DYNC1I1: variants seen among roughly 807,000 people sequenced by gnomAD.
DYNC1I1 encodes cytoplasmic dynein 1 intermediate chain 1.
A neutral mutation model predicts 86.6 loss-of-function variants in DYNC1I1; 43 were observed. The ratio of observed to expected loss-of-function variants is 0.50; its 90% CI spans 0.39 to 0.64. The LOEUF (loss-of-function observed/expected upper bound fraction) is 0.64, where lower values mean the gene tolerates loss of function less well. DYNC1I1 is among the 30% of genes least tolerant of loss of function. The probability of loss-of-function intolerance (pLI) is 0.00; values close to 1 mark genes in which losing one functional copy is unlikely to be tolerated. For missense variants in DYNC1I1, 604 were observed against 788.8 expected (o/e 0.77, Z 2.81); for synonymous variants, 262 against 283.7 (o/e 0.92, Z 0.77).
At chr7:95,891,630 G>A (rs968541151) in intron 6 of DYNC1I1, among the ~76,000 whole-genome samples, 5 of 152,176 alleles carry the variant, frequency 3.3e-5, no homozygotes, top group Non-Finnish European at 5.9e-5. Context: ...CCTAGGGAGA[G>A]TTTTAATGTT....
chr7:95,927,486 A>G (rs1450102939), intron 6 of DYNC1I1, among the ~76,000 whole-genome samples: 1 of 152,202 alleles, frequency 6.6e-6, no homozygotes, highest in Non-Finnish European at 1.5e-5. Context: ...AGAATATTGA[A>G]TATGAATAGT....
intron 10 of DYNC1I1, among the ~76,000 whole-genome samples, chr7:96,004,646 G>GCACACACACACACA (rs34562315): frequency 2.7e-5 from 4 of 146,142 alleles, no homozygotes; most frequent in Non-Finnish European, 6.1e-5. Context: ...ATAAATGCAT[G>GCACACACACACACA]CACACACACA....
chr7:95,909,249 G>GT (rs1165882500), intron 6 of DYNC1I1, among the ~76,000 whole-genome samples: 1 of 113,572 alleles, frequency 8.8e-6, no homozygotes, highest in Admixed American at 9.2e-5. Context: ...GGGGTGGGGG[G>GT]GGGGGGCGGG....
At chr7:95,939,767 T>C (rs919987667) in intron 6 of DYNC1I1, among the ~76,000 whole-genome samples, 3 of 152,314 alleles carry the variant, frequency 2.0e-5, no homozygotes, top group African/African-American at 7.2e-5. Context: ...CCAGTCTGTT[T>C]CTTTTAATTG....
chr7:95,893,638 A>G (rs1790802876), intron 6 of DYNC1I1, among the ~76,000 whole-genome samples: 1 of 152,212 alleles, frequency 6.6e-6, no homozygotes, highest in Admixed American at 6.5e-5. Flanking sequence ...CACTCCATGA[A>G]TGTCAACTAC....
chr7:96,102,555 T>C (rs1563006511), downstream of DYNC1I1, among the ~76,000 whole-genome samples: 1 of 152,206 alleles, frequency 6.6e-6, no homozygotes, highest in Non-Finnish European at 1.5e-5. Flanking sequence ...CTTTGGTTTT[T>C]GAAGTTAACA....
intron 14 of DYNC1I1, among the ~76,000 whole-genome samples, chr7:96,063,704 C>T (rs1463073071): frequency 6.6e-6 from 1 of 152,196 alleles, no homozygotes; most frequent in Non-Finnish European, 1.5e-5. Context: ...ACCTTACCTC[C>T]ACAAACAACA....
intron 14 of DYNC1I1, among the ~76,000 whole-genome samples, chr7:96,059,081 A>T (rs980039208): frequency 8.5e-5 from 13 of 152,180 alleles, no homozygotes; most frequent in African/African-American, 2.7e-4. Context: ...CAACATTTTC[A>T]TCAGCCTATG....
At chr7:95,978,654 C>T (rs1213852225) in intron 7 of DYNC1I1, among the ~76,000 whole-genome samples, 1 of 151,806 alleles carries the variant, frequency 6.6e-6, no homozygotes, top group East Asian at 1.9e-4. Flanking sequence ...CACAGTGTGG[C>T]AGATGTTCAG....
intron 6 of DYNC1I1, among the ~76,000 whole-genome samples, chr7:95,913,873 C>G (rs1302435797): frequency 6.6e-6 from 1 of 152,200 alleles, no homozygotes; most frequent in Non-Finnish European, 1.5e-5. Flanking sequence ...GCATGGAACA[C>G]TGGGATAAAT....
intron 6 of DYNC1I1, 141 bp downstream of exon 6, chr7:95,870,139 C>T: frequency 1.4e-6 from 1 of 723,370 alleles, no homozygotes; most frequent in Non-Finnish European, 2.1e-6. Flanking sequence ...AAAGCCTCTT[C>T]TGAGTTTGAA....
At chr7:95,913,986 G>A (rs182703395) in intron 6 of DYNC1I1, among the ~76,000 whole-genome samples, 115 of 152,232 alleles carry the variant, frequency 7.6e-4, no homozygotes, top group Admixed American at 5.0e-3. Flanking sequence ...TCTGATCTTG[G>A]GCAGAATTGT....
At chr7:95,780,166 T>A (rs1231299110) in intron 1 of DYNC1I1, among the ~76,000 whole-genome samples, 1 of 152,162 alleles carries the variant, frequency 6.6e-6, no homozygotes, top group Admixed American at 6.6e-5. Flanking sequence ...AGCGAAGTAA[T>A]GAGTATATTT....
chr7:95,987,744 C>T (rs1349167109), intron 9 of DYNC1I1, among the ~76,000 whole-genome samples: 1 of 152,138 alleles, frequency 6.6e-6, no homozygotes, highest in Non-Finnish European at 1.5e-5. Context: ...TCACTTTGTA[C>T]ACCAGACAGA....
intron 6 of DYNC1I1, among the ~76,000 whole-genome samples, chr7:95,905,123 A>G (rs941091298): frequency 1.3e-5 from 2 of 152,210 alleles, no homozygotes; most frequent in Non-Finnish European, 2.9e-5. Flanking sequence ...TTCACTTACA[A>G]TGCCTCCACT....
At chr7:95,807,917 T>A (rs961651653) in intron 2 of DYNC1I1, among the ~76,000 whole-genome samples, 2 of 151,372 alleles carry the variant, frequency 1.3e-5, no homozygotes, top group African/African-American at 4.9e-5. Flanking sequence ...TTGTTGTTGT[T>A]GTTTGTTTTT....
In DYNC1I1 at chr7:95,953,174, C is replaced by G. The variant is rs115039331; in HGVS notation, c.491-24338C>G. ...ACAAGTGTCCCTTCACACACACCTT[C>G]ACACTTTAGAACATATTTTCATAAT... On this transcript the variant is annotated intron_variant, in intron 6 of 16. Transcript: ENST00000447467. Among the ~76,000 whole-genome samples the G allele has an allele frequency of 2.2e-3, 330 of 150,706 alleles. 2 individuals are homozygous for G. Among genetic ancestry groups the G allele is most frequent in the African/African-American group, 7.8e-3 (318 of 40,862 alleles).
At chr7:95,805,600 A>G (rs527907023) in intron 2 of DYNC1I1, among the ~76,000 whole-genome samples, 1 of 152,306 alleles carries the variant, frequency 6.6e-6, no homozygotes, top group African/African-American at 2.4e-5. Flanking sequence ...GCCCAATCCA[A>G]TGCCTTGTTG....
At chr7:96,079,970 A>T (rs1562997371) in intron 15 of DYNC1I1, among the ~76,000 whole-genome samples, 1 of 152,090 alleles carries the variant, frequency 6.6e-6, no homozygotes, top group Non-Finnish European at 1.5e-5. Flanking sequence ...TAGTATCCTT[A>T]ATCTTGGTAA....
Sources: allele counts gnomAD v4.1 joint callset (sites outside exome capture counted in the v4.1 genomes callset), GRCh38; gene constraint gnomAD v4.1.1; transcripts MANE v1.5; gene names NCBI Gene and HGNC (gene_info 2026-07-23, HGNC 2026-07-21).